HELLS: variants seen among roughly 807,000 people sequenced by gnomAD.
The protein encoded by HELLS is lymphoid-specific helicase.
In HELLS, 32 loss-of-function variants were observed where a neutral mutation model predicts 120.0. The observed-to-expected ratio is 0.27, with a 90% CI of 0.20 to 0.36. The LOEUF (loss-of-function observed/expected upper bound fraction) is 0.36, where lower values mean the gene tolerates loss of function less well. HELLS is among the 10% of genes least tolerant of loss of function. The pLI is 1.00. For synonymous variants in HELLS, 341 were observed against 323.4 expected (o/e 1.05, Z -0.58); for missense variants, 650 against 993.4 (o/e 0.65, Z 4.65).
At chr10:94,590,593 G>A (rs751298383) in intron 14 of HELLS, 41 bp downstream of exon 14, 2 of 1,609,502 alleles carry the variant, frequency 1.2e-6, no homozygotes, top group Non-Finnish European at 1.7e-6. Flanking sequence ...TTTAAACTGT[G>A]ACCATTTTTT....
Position 94,585,396 on chromosome 10 carries a change from T to G in HELLS, c.1326+2337T>G, listed in dbSNP as rs1451885805. ...TTTTGTTTGTTTTTGTTTTTTTTTTTGTTTTTTTGGTTTTTTTTTTTTGAG... is the reference window on the plus strand; with the variant it reads ...TTTTGTTTGTTTTTGTTTTTTTTTTGGTTTTTTTGGTTTTTTTTTTTTGAG... On this transcript the variant is annotated intron_variant, in intron 12 of 21. Transcript: ENST00000348459. Among the ~76,000 whole-genome samples, 634 of 133,932 alleles carry G rather than the reference T, an allele frequency of 4.7e-3. 5 individuals carry two copies. The highest frequency in any genetic ancestry group is 0.016 in the African/African-American group (584 of 36,066). The allele number at this position is 133,932 out of a possible 152,430, so 87.9% of individuals were successfully genotyped here. A position where few individuals can be genotyped will look rare whatever the true frequency, so the allele number is the denominator to read the frequency against.
chr10:94,594,400 G>T (rs1845643864), intron 18 of HELLS, among the ~76,000 whole-genome samples: 1 of 152,128 alleles, frequency 6.6e-6, no homozygotes, highest in African/African-American at 2.4e-5. Flanking sequence ...GCCCACGCTG[G>T]TCTTGTATCC....
At chr10:94,557,894 C>G (rs577317430) in intron 3 of HELLS, among the ~76,000 whole-genome samples, 1 of 152,106 alleles carries the variant, frequency 6.6e-6, no homozygotes, top group African/African-American at 2.4e-5. Context: ...GTTTACAGTC[C>G]GTTACTGCAT....
chr10:94,579,805 G>A lies in HELLS; in HGVS notation c.1033-1521G>A, dbSNP rs530917022. Among the ~76,000 whole-genome samples the A allele has an allele frequency of 8.5e-5, 13 of 152,138 alleles. No homozygotes were observed. In the East Asian group the frequency reaches 2.3e-3, roughly 27 times the overall value. On this transcript the variant is annotated intron_variant, in intron 10 of 21. Coordinates refer to ENST00000348459, the MANE Select transcript of HELLS (RefSeq NM_018063.5). The stretch of plus-strand genomic sequence containing the variant: ...GTACAGGTGTGAGCCACCACTTCCA[G>A]CCTGCATTCACTTTTGCAACTTGTG...
At chr10:94,566,807 A>G (rs916392740) in intron 6 of HELLS, among the ~76,000 whole-genome samples, 5 of 151,892 alleles carry the variant, frequency 3.3e-5, no homozygotes, top group Non-Finnish European at 7.4e-5. Flanking sequence ...GGCACGTGCC[A>G]CCACGCCTGG....
intron 12 of HELLS, among the ~76,000 whole-genome samples, chr10:94,585,681 G>A (rs1845106536): frequency 6.6e-6 from 1 of 151,552 alleles, no homozygotes; most frequent in South Asian, 2.1e-4. Context: ...ACTGCACCTG[G>A]CCAACAGATT....
At chr10:94,606,741 T>C (rs1846133789), downstream of HELLS, among the ~76,000 whole-genome samples, 1 of 152,222 alleles carries the variant, frequency 6.6e-6, no homozygotes, top group Non-Finnish European at 1.5e-5. Context: ...GTTTAGTCTG[T>C]CTTTTATTTT....
intron 6 of HELLS, among the ~76,000 whole-genome samples, chr10:94,565,639 G>A (rs962654712): frequency 5.3e-5 from 8 of 152,202 alleles, no homozygotes; most frequent in African/African-American, 1.9e-4. Flanking sequence ...GCAGTGAGCT[G>A]AGATGGCACC....
At chr10:94,605,389 A>C (rs555231264), downstream of HELLS, among the ~76,000 whole-genome samples, 1 of 151,944 alleles carries the variant, frequency 6.6e-6, no homozygotes, top group African/African-American at 2.4e-5. Flanking sequence ...GGCTGGATCT[A>C]ACTTTTTTTC....
chr10:94,550,711 G>A (rs1304157228), intron 2 of HELLS, among the ~76,000 whole-genome samples: 1 of 152,060 alleles, frequency 6.6e-6, no homozygotes, highest in Non-Finnish European at 1.5e-5. Context: ...GTAACAGGGT[G>A]AAACCCCATC....
chr10:94,574,488 T>G, intron 8 of HELLS, 66 bp from the exon 9 acceptor site: 1 of 1,202,912 alleles, frequency 8.3e-7, no homozygotes, highest in Non-Finnish European at 1.2e-6. Context: ...AGAGAAGAAA[T>G]AAAATATTGT....
At chr10:94,566,923 G>A (rs1258782558) in intron 6 of HELLS, among the ~76,000 whole-genome samples, 1 of 152,108 alleles carries the variant, frequency 6.6e-6, no homozygotes, top group Non-Finnish European at 1.5e-5. Context: ...CCAAAGTGCT[G>A]GGATTACAGG....
chr10:94,558,049 T>C (rs367750152), intron 3 of HELLS, 90 bp from the exon 4 acceptor site: 5 of 1,459,894 alleles, frequency 3.4e-6, no homozygotes, highest in Non-Finnish European at 3.6e-6. Context: ...AGTTTCTCAT[T>C]GTAAACATAA....
chr10:94,547,316 A>G (rs558756511), intron 2 of HELLS, among the ~76,000 whole-genome samples: 15 of 152,312 alleles, frequency 9.8e-5, no homozygotes, highest in African/African-American at 3.4e-4. Flanking sequence ...TTCATTTACA[A>G]ATGAAGAAAC....
intron 2 of HELLS, among the ~76,000 whole-genome samples, chr10:94,553,529 G>T (rs557773666): frequency 6.6e-6 from 1 of 150,696 alleles, no homozygotes; most frequent in Admixed American, 6.6e-5. Flanking sequence ...GATTACAGGC[G>T]TGAGCCACCG....
intron 7 of HELLS, among the ~76,000 whole-genome samples, chr10:94,571,794 T>A (rs193016710): frequency 6.6e-6 from 1 of 152,282 alleles, no homozygotes; most frequent in Non-Finnish European, 1.5e-5. Context: ...ACCTTAAAGA[T>A]TTTTTAAGTT....
chr10:94,587,661 A>G (rs1280996470), intron 12 of HELLS, among the ~76,000 whole-genome samples: 1 of 152,198 alleles, frequency 6.6e-6, no homozygotes, highest in African/African-American at 2.4e-5. Flanking sequence ...CTCTTGACCC[A>G]GGTGATTCAC....
At chr10:94,604,529 C>A (rs1053654289), downstream of HELLS, among the ~76,000 whole-genome samples, 1 of 118,588 alleles carries the variant, frequency 8.4e-6, no homozygotes, top group Non-Finnish European at 1.6e-5. Flanking sequence ...GATGTTTCTT[C>A]AGATGCCTTG....
intron 13 of HELLS, among the ~76,000 whole-genome samples, chr10:94,589,309 CAG>C (rs1213317884): frequency 6.6e-6 from 1 of 152,164 alleles, no homozygotes; most frequent in Non-Finnish European, 1.5e-5. Flanking sequence ...TCCAGATATA[CAG>C]ATTGAGCATC....
Sources: allele counts gnomAD v4.1 joint callset (sites outside exome capture counted in the v4.1 genomes callset), GRCh38; gene constraint gnomAD v4.1.1; transcripts MANE v1.5; gene names NCBI Gene and HGNC (gene_info 2026-07-23, HGNC 2026-07-21).